The following UBR3 variants were observed in gnomAD, a reference collection of about 807,000 sequenced individuals.
UBR3 encodes the protein E3 ubiquitin-protein ligase UBR3.
A neutral mutation model predicts 243.2 loss-of-function variants in UBR3; 85 were observed. That is an observed-to-expected ratio of 0.35 (90% CI 0.29 to 0.42). The LOEUF (loss-of-function observed/expected upper bound fraction) is 0.42. UBR3 is among the 10% of genes least tolerant of loss of function. The pLI is 1.00. For synonymous variants in UBR3, 748 were observed against 799.8 expected (o/e 0.94, Z 1.09); for missense variants, 1,686 against 2,300.8 (o/e 0.73, Z 5.47).
chr2:169,838,782 C>T (rs2082198292), intron 1 of UBR3, among the ~76,000 whole-genome samples: 1 of 152,156 alleles, frequency 6.6e-6, no homozygotes, highest in South Asian at 2.1e-4. Flanking sequence ...TGAGTCTCAT[C>T]TAAACATCAT....
intron 1 of UBR3, among the ~76,000 whole-genome samples, chr2:169,845,527 CGTCGTCTTCTTCTTCTTCTTCTTCT>C (rs1263081963): frequency 6.0e-5 from 8 of 132,998 alleles, no homozygotes; most frequent in Non-Finnish European, 1.2e-4. Flanking sequence ...TCGTCGTCGT[CGTCGTCTTCTTCTTCTTCTTCTTCT>C]TTCTTCTTCT....
At chr2:170,038,664 C>T (rs2090889821) in intron 31 of UBR3, among the ~76,000 whole-genome samples, 1 of 152,082 alleles carries the variant, frequency 6.6e-6, no homozygotes, top group Non-Finnish European at 1.5e-5. Flanking sequence ...TTGGGATGTC[C>T]TCAAGTTCCT....
At chr2:169,984,833 G>A (rs965998837) in intron 24 of UBR3, among the ~76,000 whole-genome samples, 16 of 152,056 alleles carry the variant, frequency 1.1e-4, no homozygotes, top group Non-Finnish European at 1.8e-4. Context: ...CAAATAAAAA[G>A]TACTCTGCAT....
chr2:169,878,681 G>C (rs979853729), intron 5 of UBR3, 107 bp downstream of exon 5: 1 of 1,039,212 alleles, frequency 9.6e-7, no homozygotes, highest in African/African-American at 1.6e-5. Flanking sequence ...TAGATTTGTA[G>C]GCATTATGTA....
intron 6 of UBR3, among the ~76,000 whole-genome samples, chr2:169,893,666 A>G (rs931728478): frequency 6.6e-6 from 1 of 152,114 alleles, no homozygotes; most frequent in African/African-American, 2.4e-5. Context: ...AAGCGATCCA[A>G]TCCTCCTGTC....
At chr2:169,916,984 C>T (rs1047914760) in intron 11 of UBR3, among the ~76,000 whole-genome samples, 18 of 152,102 alleles carry the variant, frequency 1.2e-4, no homozygotes, top group Admixed American at 5.9e-4. Flanking sequence ...TTACCCTGCT[C>T]CCTCTCTTTA....
chr2:169,936,767 C>T (rs979167328), intron 19 of UBR3, among the ~76,000 whole-genome samples: 22 of 151,972 alleles, frequency 1.4e-4, no homozygotes, highest in South Asian at 4.2e-4. Context: ...TGAGAACATG[C>T]GGTGTTTGGT....
intron 1 of UBR3, among the ~76,000 whole-genome samples, chr2:169,856,777 C>T (rs936463869): frequency 4.3e-5 from 6 of 141,156 alleles, no homozygotes; most frequent in African/African-American, 1.6e-4. Flanking sequence ...GCCAAGATGG[C>T]GGCAGTACAG....
chr2:169,926,886 A>C lies in UBR3; in HGVS notation c.2253A>C (p.Thr751=), dbSNP rs1214443128. The C allele has an allele frequency of 2.6e-6, 4 of 1,550,670 alleles. No homozygotes were observed. In the Admixed American group the frequency reaches 7.8e-5, roughly 30 times the overall value. Residue 751 remains threonine (T), a synonymous_variant, in exon 16 of 39, where the codon ACA becomes ACC. Transcript: ENST00000272793. The stretch of plus-strand genomic sequence containing the variant: ...CAATGGCATCACAACATCAAAATAC[A>C]GTACTTGATGCAGAGCATGAGAGGT... The part of the protein sequence containing the change: ...LLTMASQHQN[T]VLDAEHERSM...
chr2:169,861,104 C>CT (rs1339828316), intron 1 of UBR3, among the ~76,000 whole-genome samples: 1 of 152,202 alleles, frequency 6.6e-6, no homozygotes, highest in Non-Finnish European at 1.5e-5. Flanking sequence ...TCTAGCTGCT[C>CT]TGGCAGCTAA....
At chr2:169,939,714 T>C (rs1276126587) in intron 19 of UBR3, among the ~76,000 whole-genome samples, 1 of 151,768 alleles carries the variant, frequency 6.6e-6, no homozygotes, top group Non-Finnish European at 1.5e-5. Flanking sequence ...CAGGGGTGCA[T>C]CACCATGCTT....
intron 36 of UBR3, among the ~76,000 whole-genome samples, chr2:170,076,518 T>C (rs2105459665): frequency 6.6e-6 from 1 of 152,308 alleles, no homozygotes; most frequent in East Asian, 1.9e-4. Context: ...GTTCCTGTCA[T>C]TTGTACTCAC....
intron 1 of UBR3, among the ~76,000 whole-genome samples, chr2:169,849,691 C>T (rs1050327002): frequency 2.0e-5 from 3 of 152,220 alleles, no homozygotes; most frequent in African/African-American, 7.2e-5. Flanking sequence ...CTCTCTCTAA[C>T]CAAAATGCAG....
chr2:170,002,880 G>T (rs1465188720), intron 27 of UBR3, among the ~76,000 whole-genome samples: 1 of 151,888 alleles, frequency 6.6e-6, no homozygotes, highest in East Asian at 1.9e-4. Flanking sequence ...TTGAGATAGG[G>T]TCTCACTCTG....
intron 2 of UBR3, among the ~76,000 whole-genome samples, chr2:169,873,870 G>A (rs1428521339): frequency 6.6e-6 from 1 of 152,018 alleles, no homozygotes; most frequent in South Asian, 2.1e-4. Context: ...TTGTATTACA[G>A]GTGTCCTATT....
At chr2:170,018,387 C>T (rs1321046592) in intron 30 of UBR3, among the ~76,000 whole-genome samples, 1 of 152,104 alleles carries the variant, frequency 6.6e-6, no homozygotes, top group Admixed American at 6.6e-5. Context: ...GAGCCATGTG[C>T]GTTAGTTCTC....
At position 169,827,616 on chromosome 2, in the gene UBR3, G is replaced by T; in HGVS notation, c.109G>T (p.Ala37Ser). ...DKAATAAHLK[A>S]ALSRPDNRAG... ...GGCGGCCACCGCCGCGCACCTCAAG[G>T]CGGCCCTCAGCCGGCCGGACAACCG... The change falls in exon 1 of 39, where the codon GCG becomes TCG. Residue 37 changes from alanine to serine, a missense_variant. Physicochemically the swap from Ala to Ser is moderately conservative, Grantham distance 99. Around this residue, in one of 8 missense-constraint regions of UBR3, gnomAD observed 79 missense variants for 73.2 expected, o/e 1.08. Transcript: ENST00000272793. The T allele has an allele frequency of 7.9e-7, 1 of 1,268,260 alleles. No homozygotes were observed. Among genetic ancestry groups the T allele is most frequent in the Non-Finnish European group, 9.9e-7 (1 of 1,006,966 alleles). 78.6% of individuals were successfully genotyped at this position (1,268,260 alleles called of 1,614,324 possible).
chr2:169,914,837 A>C (rs191202833), intron 11 of UBR3, among the ~76,000 whole-genome samples: 1 of 134,400 alleles, frequency 7.4e-6, no homozygotes, highest in Non-Finnish European at 1.6e-5. Context: ...AGGGCAGGCA[A>C]ATTTTATCTC....
In UBR3 at chr2:170,084,068, A is replaced by G. The variant is rs927763347; in HGVS notation, c.*2225A>G. On this transcript the variant is annotated 3_prime_UTR_variant, in exon 39 of 39. Transcript: ENST00000272793. ...AGCAGAAATTACAAAACTAGGAATA[A>G]TCAACATTGTAAGATATGTTAATAA... 6.6e-6 allele frequency: 1 copy of G among 152,558 alleles called. No individual in the cohort carries two copies. Among genetic ancestry groups the G allele is most frequent in the Non-Finnish European group, 1.5e-5 (1 of 68,028 alleles). The allele number at this position is 152,558 out of a possible 1,614,324, so 9.5% of individuals were successfully genotyped here. A position where few individuals can be genotyped will look rare whatever the true frequency, so the allele number is the denominator to read the frequency against.
Sources: gnomAD v4.1 joint callset for allele counts (sites outside exome capture counted in the v4.1 genomes callset) on GRCh38, gnomAD v4.1.1 for gene constraint, gnomAD v4.1.1 regional missense constraint, MANE v1.5 for transcripts, NCBI Gene and HGNC (gene_info 2026-07-23, HGNC 2026-07-21) for gene names.